The following DHDH variants were observed in gnomAD, a reference collection of about 807,000 sequenced individuals.
The protein encoded by DHDH is dihydrodiol dehydrogenase.
A neutral mutation model predicts 33.2 loss-of-function variants in DHDH; 29 were observed. The observed-to-expected ratio is 0.87, with a 90% confidence interval of 0.65 to 1.19. The LOEUF (loss-of-function observed/expected upper bound fraction) is 1.19, where lower values mean the gene tolerates loss of function less well. Ranked by LOEUF, DHDH falls within the 50% of genes most tolerant of loss-of-function variation. DHDH has a pLI of 0.00. For missense variants in DHDH, 431 were observed against 455.0 expected, an observed-to-expected ratio of 0.95 and a Z score of 0.48; for synonymous variants, 201 against 187.9, an observed-to-expected ratio of 1.07 and a Z score of -0.57.
chr19:48,933,623 G>C, upstream of DHDH: 2 of 1,115,406 alleles, frequency 1.8e-6, no homozygotes, highest in Admixed American at 1.8e-5. Context: ...GGCGCAATAC[G>C]GGCGGAGGAT....
intron 5 of DHDH, among the ~76,000 whole-genome samples, chr19:48,943,239 C>T (rs2037891336): frequency 6.6e-6 from 1 of 151,908 alleles, no homozygotes; most frequent in Admixed American, 6.6e-5. Context: ...GATCCTGTCT[C>T]AAATATCTAT....
At chr19:48,933,889 G>A (rs1006512995) in intron 1 of DHDH, 78 bp downstream of exon 1, 25 of 1,375,124 alleles carry the variant, frequency 1.8e-5, no homozygotes, top group Non-Finnish European at 2.5e-5. Context: ...GGGAGTTTAG[G>A]GTTCAGGACT....
chr19:48,942,388 C>T (rs2037876346), intron 4 of DHDH, 52 bp from the exon 5 acceptor site: 3 of 1,513,360 alleles, frequency 2.0e-6, no homozygotes, highest in African/African-American at 1.4e-5. Context: ...CCTGTGCAGT[C>T]TCAGAGACTC....
Position 48,942,459 on chromosome 19 carries a change from G to A in DHDH, c.639G>A (p.Thr213=), listed in dbSNP as rs779210316. The A allele has an allele frequency of 5.0e-6, 8 of 1,609,668 alleles. No homozygotes were observed. The highest frequency in any genetic ancestry group is 3.3e-5 in the South Asian group (3 of 90,778). The part of the protein sequence containing the change: ...RHETGVDDTV[T]VLLQYPGEVH... ...CTCCAGGTGTGGATGACACTGTCAC[G>A]GTGCTCCTGCAGTACCCAGGGGAGG... The change falls in exon 5 of 7, where the codon ACG becomes ACA. Residue 213 remains threonine, a synonymous_variant. Transcript: ENST00000221403.
At chr19:48,936,345 C>T (rs1257656695) in intron 3 of DHDH, 150 bp downstream of exon 3, 1 of 1,155,250 alleles carries the variant, frequency 8.7e-7, no homozygotes. Context: ...TTGCTTTTGG[C>T]CCTTAGCAAA....
rs1385460753 is a variant in DHDH at position 48,936,078 on chromosome 19, G to C, written c.249G>C (p.Val83=). The C allele has an allele frequency of 6.2e-7, 1 of 1,610,764 alleles. No individual in the cohort carries two copies. Among genetic ancestry groups the C allele is most frequent in the East Asian group, 2.2e-5 (1 of 44,760 alleles). The part of the protein sequence containing the change: ...GTQHPQHKAA[V]MLCLAAGKAV... Reference sequence around the variant, plus strand: ...AGCACCCCCAGCACAAGGCGGCGGTGATGCTGTGCTTGGCGGCGGGCAAGG... The same window carrying C: ...AGCACCCCCAGCACAAGGCGGCGGTCATGCTGTGCTTGGCGGCGGGCAAGG... The change falls in exon 3 of 7, where the codon GTG becomes GTC. Residue 83 remains valine (V), a synonymous_variant. Transcript: ENST00000221403.
chr19:48,944,223 G>C, intron 5 of DHDH, 134 bp from the exon 6 acceptor site: 1 of 1,194,848 alleles, frequency 8.4e-7, no homozygotes, highest in South Asian at 1.4e-5. Context: ...AAAGCTCCCC[G>C]GGGATGGACA....
chr19:48,935,147 C>A (rs900906667), intron 2 of DHDH, 36 bp downstream of exon 2: 1 of 1,493,160 alleles, frequency 6.7e-7, no homozygotes, highest in Non-Finnish European at 9.0e-7. Context: ...CTGGCCGCCG[C>A]CCCTGGAGCG....
At chr19:48,944,762 TGTA>T in intron 6 of DHDH, 59 bp from the exon 7 acceptor site, 1 of 1,441,992 alleles carries the variant, frequency 6.9e-7, no homozygotes, top group Non-Finnish European at 9.7e-7. Context: ...TTCTGGGAAT[TGTA>T]GTTCTTTGGG....
chr19:48,940,354 CA>C (rs368492917), intron 4 of DHDH, among the ~76,000 whole-genome samples: 2,017 of 133,654 alleles, frequency 0.015, 22 homozygotes, highest in South Asian at 0.047. Flanking sequence ...GACTCCATCT[CA>C]AAAAAAAAAA....
intron 3 of DHDH, among the ~76,000 whole-genome samples, chr19:48,937,307 C>T (rs1417286907): frequency 6.6e-6 from 1 of 152,172 alleles, no homozygotes; most frequent in Non-Finnish European, 1.5e-5. Context: ...CGAGCCCGGG[C>T]GGACCTCGGC....
Position 48,944,842 on chromosome 19 carries a change from T to C in DHDH, c.914T>C (p.Val305Ala). 4 of 1,613,686 alleles carry C rather than the reference T, an allele frequency of 2.5e-6. No homozygotes were observed. Among genetic ancestry groups the C allele is most frequent in the Non-Finnish European group, 3.4e-6 (4 of 1,180,014 alleles). The change falls in exon 7 of 7, where the codon GTG (valine) becomes GCG (alanine). Residue 305 changes from valine to alanine, a missense_variant. Coordinates refer to ENST00000221403, the MANE Select transcript of DHDH (RefSeq NM_014475.4). ...CLRKGMKESP[V>A]IPLSESELLA... Reference sequence around the variant, plus strand: ...CCCACAGGTATGAAGGAAAGTCCTGTGATTCCCCTGTCGGAAAGTGAGCTC... The same window carrying C: ...CCCACAGGTATGAAGGAAAGTCCTGCGATTCCCCTGTCGGAAAGTGAGCTC...
chr19:48,942,979 C>T (rs1158757951), intron 5 of DHDH, among the ~76,000 whole-genome samples: 4 of 151,198 alleles, frequency 2.6e-5, no homozygotes, highest in Non-Finnish European at 4.4e-5. Context: ...TGCTTGAATC[C>T]GGAAGATGGA....
intron 3 of DHDH, among the ~76,000 whole-genome samples, chr19:48,938,779 G>A (rs956275640): frequency 1.3e-4 from 19 of 151,926 alleles, no homozygotes; most frequent in African/African-American, 4.3e-4. Context: ...CCGAGTAGCT[G>A]GGACTACAGG....
intron 4 of DHDH, among the ~76,000 whole-genome samples, chr19:48,940,712 T>C (rs979275338): frequency 6.6e-6 from 1 of 151,952 alleles, no homozygotes; most frequent in African/African-American, 2.4e-5. Context: ...AAAAAATTAG[T>C]TGGGCGTGGT....
chr19:48,943,385 GA>G (rs56853050), intron 5 of DHDH, among the ~76,000 whole-genome samples: 50,314 of 145,718 alleles, frequency 0.35, 11,351 homozygotes, highest in African/African-American at 0.63. Flanking sequence ...CTTGTTGCTA[GA>G]AAAAAAAAAA....
intron 5 of DHDH, among the ~76,000 whole-genome samples, chr19:48,943,397 AC>A (rs1247196684): frequency 3.4e-5 from 5 of 146,020 alleles, no homozygotes; most frequent in Non-Finnish European, 6.0e-5. Context: ...AAAAAAAAAA[AC>A]CCTATTTTAT....
At chr19:48,943,147 G>C (rs986417925) in intron 5 of DHDH, among the ~76,000 whole-genome samples, 2 of 152,080 alleles carry the variant, frequency 1.3e-5, no homozygotes, top group African/African-American at 4.8e-5. Flanking sequence ...GGCTGAAGCT[G>C]GTGGATCACT....
intron 3 of DHDH, among the ~76,000 whole-genome samples, chr19:48,937,621 T>C (rs1346434450): frequency 6.6e-6 from 1 of 151,416 alleles, no homozygotes; most frequent in Non-Finnish European, 1.5e-5. Context: ...GACCATCCTG[T>C]CTAACACAGT....
Sources: gnomAD v4.1 joint callset for allele counts (sites outside exome capture counted in the v4.1 genomes callset) on GRCh38, gnomAD v4.1.1 for gene constraint, MANE v1.5 for transcripts, NCBI Gene and HGNC (gene_info 2026-07-23, HGNC 2026-07-21) for gene names.